Variants in SRD5A2 observed in about 807,000 individuals in gnomAD.
SRD5A2 encodes steroid 5 alpha-reductase 2.
A neutral mutation model predicts 27.4 loss-of-function variants in SRD5A2; 30 were observed. The observed-to-expected ratio is 1.10, with a 90% CI of 0.82 to 1.49. The LOEUF is 1.49. Ranked by LOEUF, SRD5A2 falls within the 40% of genes most tolerant of loss-of-function variation. The pLI, the probability that SRD5A2 is intolerant of heterozygous loss-of-function variation, is 0.00. For synonymous variants in SRD5A2, 141 were observed against 133.6 expected (o/e 1.06, Z -0.38); for missense variants, 348 against 323.4 (o/e 1.08, Z -0.58).
At chr2:31,539,152 T>C (rs1666081756) in intron 1 of SRD5A2, among the ~76,000 whole-genome samples, 1 of 152,146 alleles carries the variant, frequency 6.6e-6, no homozygotes, top group Non-Finnish European at 1.5e-5. Context: ...CATGAGAAGA[T>C]TCTAAAAGTT....
chr2:31,659,210 C>G, the SRD5A2 span, among the ~76,000 whole-genome samples: 2 of 152,076 alleles, frequency 1.3e-5, no homozygotes, highest in East Asian at 1.9e-4. Flanking sequence ...CTATGATAAA[C>G]CCACAGCCAA....
chr2:31,597,535 A>G, the SRD5A2 span, among the ~76,000 whole-genome samples: 2 of 152,170 alleles, frequency 1.3e-5, no homozygotes. Flanking sequence ...AGAGTGGGAG[A>G]AAATCTTCAC....
chr2:31,615,470 C>A, the SRD5A2 span, among the ~76,000 whole-genome samples: 1 of 152,134 alleles, frequency 6.6e-6, no homozygotes. Flanking sequence ...GTGGCATTTT[C>A]CCCCTGCCCT....
intron 1 of SRD5A2, among the ~76,000 whole-genome samples, chr2:31,568,287 G>A (rs551122446): frequency 6.6e-6 from 1 of 152,236 alleles, no homozygotes; most frequent in African/African-American, 2.4e-5. Flanking sequence ...TTTCAGACCT[G>A]TTTGTGTTAC....
At chr2:31,626,625 T>A in the SRD5A2 span, among the ~76,000 whole-genome samples, 12 of 152,316 alleles carry the variant, frequency 7.9e-5, no homozygotes, top group South Asian at 2.5e-3. Context: ...ATGTGGTTTT[T>A]CCCTTTGGTT....
chr2:31,577,888 A>G (rs574355466), intron 1 of SRD5A2, among the ~76,000 whole-genome samples: 31 of 152,352 alleles, frequency 2.0e-4, no homozygotes, highest in African/African-American at 7.0e-4. Flanking sequence ...AAGAATTTAG[A>G]TGCAAAAAAT....
the SRD5A2 span, among the ~76,000 whole-genome samples, chr2:31,597,845 C>A: frequency 6.6e-6 from 1 of 152,258 alleles, no homozygotes; most frequent in Non-Finnish European, 1.5e-5. Flanking sequence ...CACTTGTACA[C>A]TGCTGGTGGG....
chr2:31,578,668 C>T (rs1330775202), intron 1 of SRD5A2, among the ~76,000 whole-genome samples: 1 of 152,202 alleles, frequency 6.6e-6, no homozygotes, highest in Non-Finnish European at 1.5e-5. Flanking sequence ...GTTGTACTTC[C>T]AGTGGGCAAT....
chr2:31,613,345 T>C, the SRD5A2 span, among the ~76,000 whole-genome samples: 3 of 151,910 alleles, frequency 2.0e-5, no homozygotes, highest in African/African-American at 4.8e-5. Context: ...AACTAAAAAA[T>C]GAGCAAAGAG....
At chr2:31,642,845 A>C in the SRD5A2 span, among the ~76,000 whole-genome samples, 14 of 152,120 alleles carry the variant, frequency 9.2e-5, no homozygotes, top group Non-Finnish European at 1.6e-4. Context: ...ACTCAGACAA[A>C]AAGTGACTAC....
Position 31,572,142 on chromosome 2 carries a change from T to C in SRD5A2, c.281+8478A>G, listed in dbSNP as rs144767919. ...GGCATATATACACCATGGAATATTA[T>C]GCAGCCATGAAAAATAATGAGATCA... On this transcript the variant is annotated intron_variant, in intron 1 of 4. Coordinates refer to ENST00000622030, the MANE Select transcript of SRD5A2 (RefSeq NM_000348.4). 3.0e-3 allele frequency among the ~76,000 whole-genome samples: 461 copies of C among 152,354 alleles called. 8 individuals are homozygous for C. Among genetic ancestry groups the C allele is most frequent in the Admixed American group, 0.026 (405 of 15,296 alleles).
chr2:31,553,190 G>A (rs1572643614), intron 1 of SRD5A2, among the ~76,000 whole-genome samples: 1 of 151,964 alleles, frequency 6.6e-6, no homozygotes, highest in East Asian at 1.9e-4. Flanking sequence ...AGGAATCAGT[G>A]AACTCAAAGA....
intron 4 of SRD5A2, 74 bp downstream of exon 4, chr2:31,529,233 C>T: frequency 6.3e-7 from 1 of 1,576,400 alleles, no homozygotes; most frequent in East Asian, 2.3e-5. Context: ...TCTCAATCTT[C>T]CTCTGCGGGT....
chr2:31,632,876 A>C, the SRD5A2 span, among the ~76,000 whole-genome samples: 1 of 152,146 alleles, frequency 6.6e-6, no homozygotes, highest in Non-Finnish European at 1.5e-5. Context: ...GACTCTAAGC[A>C]TGCTTACCTA....
In SRD5A2 at chr2:31,522,575, A is replaced by C. The variant is rs1232553571; in HGVS notation, c.*3621T>G. 4.9e-6 allele frequency: 1 copy of C among 205,736 alleles called. No homozygotes were observed. The highest frequency in any genetic ancestry group is 9.9e-6 in the Non-Finnish European group (1 of 100,720). The allele number at this position is 205,736 out of a possible 1,614,324, so 12.7% of individuals were successfully genotyped here. A position where few individuals can be genotyped will look rare whatever the true frequency, so the allele number is the denominator to read the frequency against. On this transcript the variant is annotated 3_prime_UTR_variant, in exon 5 of 5. Coordinates refer to ENST00000622030, the MANE Select transcript of SRD5A2 (RefSeq NM_000348.4). Reference sequence around the variant, plus strand: ...AGAAATGAGGCACAATGCAAATAACACAGAACTCTTTAAGATCACAACTCC... The same window carrying C: ...AGAAATGAGGCACAATGCAAATAACCCAGAACTCTTTAAGATCACAACTCC...
rs189782439 is a variant in SRD5A2, at chr2:31,557,266, G to C, written c.281+23354C>G. Among the ~76,000 whole-genome samples, 21 of 152,318 alleles carry C rather than the reference G, an allele frequency of 1.4e-4. 1 individual carries two copies. In the East Asian group the frequency reaches 3.1e-3, roughly 22 times the overall value. Reference sequence around the variant, plus strand: ...ATCACAACCTTGGGCACATGACTTTGAGCAGAAGTCATTTTAAGGGTTCCC... The same window carrying C: ...ATCACAACCTTGGGCACATGACTTTCAGCAGAAGTCATTTTAAGGGTTCCC... On this transcript the variant is annotated intron_variant, in intron 1 of 4. Transcript: ENST00000622030.
intron 1 of SRD5A2, among the ~76,000 whole-genome samples, chr2:31,541,849 G>C (rs886947584): frequency 2.0e-5 from 3 of 152,136 alleles, no homozygotes; most frequent in Non-Finnish European, 4.4e-5. Flanking sequence ...GTAAAGCTGG[G>C]CTAAACTCAG....
chr2:31,539,640 C>A (rs746981866), intron 1 of SRD5A2, among the ~76,000 whole-genome samples: 51 of 152,186 alleles, frequency 3.4e-4, no homozygotes, highest in Admixed American at 6.5e-4. Flanking sequence ...CTTAACTCCA[C>A]ATCCTCCTGC....
the SRD5A2 span, among the ~76,000 whole-genome samples, chr2:31,624,546 C>G: frequency 8.6e-5 from 13 of 151,966 alleles, no homozygotes; most frequent in African/African-American, 3.1e-4. Flanking sequence ...TGTGATGTTC[C>G]CCACCCTGTG....
Sources: gnomAD v4.1 joint callset for allele counts (sites outside exome capture counted in the v4.1 genomes callset) on GRCh38, gnomAD v4.1.1 for gene constraint, MANE v1.5 for transcripts, NCBI Gene and HGNC (gene_info 2026-07-23, HGNC 2026-07-21) for gene names.